Variants in PCDHA2 observed in about 807,000 individuals in gnomAD.
PCDHA2 encodes protocadherin alpha-2.
A neutral mutation model predicts 66.0 loss-of-function variants in PCDHA2; 58 were observed. The observed-to-expected ratio is 0.88, with a 90% CI of 0.71 to 1.09. The LOEUF is 1.09. Among genes scored for constraint, PCDHA2 ranks in the 50% least tolerant of loss-of-function variants. The pLI, the probability that PCDHA2 is intolerant of heterozygous loss-of-function variation, is 0.00. For synonymous variants in PCDHA2, 634 were observed against 554.0 expected, an observed-to-expected ratio of 1.14 and a Z score of -2.03; for missense variants, 1,267 against 1,242.3, an observed-to-expected ratio of 1.02 and a Z score of -0.30.
chr5:140,842,949 C>G lies in PCDHA2; in HGVS notation c.2388+45597C>G, dbSNP rs6889154. On this transcript the variant is annotated intron_variant, in intron 1 of 3. Coordinates refer to ENST00000526136, the MANE Select transcript of PCDHA2 (RefSeq NM_018905.3). ...GTGAGCGCGCGCGACGCGGGCGTGC[C>G]GCCTCTGGGCAGCAACGTGACGCTG... 8 of 1,594,550 alleles carry G rather than the reference C, an allele frequency of 5.0e-6. 1 individual carries two copies. The highest frequency in any genetic ancestry group is 1.3e-5 in the African/African-American group (1 of 74,346).
At position 141,012,023 on chromosome 5, in the gene PCDHA2, C is replaced by T. The variant is rs1174206729; in HGVS notation, c.*2086C>T. On this transcript the variant is annotated 3_prime_UTR_variant, in exon 4 of 4. Coordinates refer to ENST00000526136, the MANE Select transcript of PCDHA2 (RefSeq NM_018905.3). ...TATTTTGAAGGGTGTGTAACTTCAGCTCTGCAGGATTGCATGGGGTAAAAC... is the reference window on the plus strand; with the variant it reads ...TATTTTGAAGGGTGTGTAACTTCAGTTCTGCAGGATTGCATGGGGTAAAAC... The T allele has an allele frequency of 6.5e-6, 1 of 153,700 alleles. No individual in the cohort carries two copies. The highest frequency in any genetic ancestry group is 1.5e-5 in the Non-Finnish European group (1 of 68,026). The allele number at this position is 153,700 out of a possible 1,614,324, so 9.5% of individuals were successfully genotyped here.
At chr5:140,884,954 T>C (rs2060416589) in intron 1 of PCDHA2, among the ~76,000 whole-genome samples, 1 of 152,208 alleles carries the variant, frequency 6.6e-6, no homozygotes, top group Non-Finnish European at 1.5e-5. Context: ...TTACAAAAAA[T>C]TCCTCACGTT....
intron 1 of PCDHA2, chr5:140,827,999 G>T: frequency 6.7e-7 from 1 of 1,484,114 alleles, no homozygotes; most frequent in Non-Finnish European, 9.0e-7. Context: ...GATGGCGGAC[G>T]CAGAAGAAAT....
chr5:140,801,121 AT>A, intron 1 of PCDHA2: 1 of 1,516,972 alleles, frequency 6.6e-7, no homozygotes, highest in Non-Finnish European at 8.8e-7. Flanking sequence ...AGTTTAAGAA[AT>A]GAAGATAAGG....
intron 1 of PCDHA2, chr5:140,801,795 T>A: frequency 1.2e-6 from 2 of 1,613,922 alleles, no homozygotes; most frequent in Non-Finnish European, 1.7e-6. Context: ...GAAAAAAAAT[T>A]TAAATCGAGA....
At chr5:140,948,752 C>T (rs246047) in intron 1 of PCDHA2, among the ~76,000 whole-genome samples, 85,413 of 151,184 alleles carry the variant, frequency 0.56, 24,715 homozygotes, top group African/African-American at 0.69. Context: ...ATCAATTTTG[C>T]TGATTTTTTT....
At position 141,010,023 on chromosome 5, in the gene PCDHA2, C is replaced by T. The variant is rs1196328903; in HGVS notation, c.*86C>T. Reference sequence around the variant, plus strand: ...TGTAGCAATTCCCTGCTCCTTTTTCCTATCTACATGAGCCCTCTTAGAGAC... The same window carrying T: ...TGTAGCAATTCCCTGCTCCTTTTTCTTATCTACATGAGCCCTCTTAGAGAC... On this transcript the variant is annotated 3_prime_UTR_variant, in exon 4 of 4. Transcript: ENST00000526136. 10 of 1,571,304 alleles carry T rather than the reference C, an allele frequency of 6.4e-6. No homozygotes were observed. Among genetic ancestry groups the T allele is most frequent in the Non-Finnish European group, 8.6e-6 (10 of 1,163,016 alleles).
intron 1 of PCDHA2, among the ~76,000 whole-genome samples, chr5:140,965,185 C>T (rs1348990210): frequency 6.6e-6 from 1 of 152,138 alleles, no homozygotes; most frequent in Non-Finnish European, 1.5e-5. Flanking sequence ...TTTTTTTGCA[C>T]ATGAGGCAAT....
At chr5:140,871,703 A>G (rs1202166124) in intron 1 of PCDHA2, 9 of 879,148 alleles carry the variant, frequency 1.0e-5, no homozygotes, top group African/African-American at 1.7e-5. Context: ...TTTAACCAAT[A>G]AATGTCCTAT....
chr5:140,928,223 A>G (rs2085050678), intron 1 of PCDHA2: 1 of 1,614,178 alleles, frequency 6.2e-7, no homozygotes. Flanking sequence ...AATACACCAA[A>G]CTTTCCTCAA....
intron 1 of PCDHA2, among the ~76,000 whole-genome samples, chr5:140,872,175 T>A (rs1402825591): frequency 6.6e-5 from 10 of 152,228 alleles, no homozygotes; most frequent in African/African-American, 2.4e-4. Context: ...CTTTTTTTTT[T>A]TTACAGTGTT....
At chr5:140,995,548 C>T (rs1554254718) in intron 3 of PCDHA2, among the ~76,000 whole-genome samples, 2 of 152,200 alleles carry the variant, frequency 1.3e-5, no homozygotes, top group Non-Finnish European at 2.9e-5. Context: ...GGGGCGATCA[C>T]TGTACTGAAT....
intron 1 of PCDHA2, chr5:140,810,078 A>G (rs998487712): frequency 6.5e-6 from 1 of 153,876 alleles, no homozygotes; most frequent in Non-Finnish European, 1.4e-5. Flanking sequence ...AACGTTATCT[A>G]ATTGGACTTG....
At chr5:140,911,759 T>A (rs2075630155) in intron 1 of PCDHA2, among the ~76,000 whole-genome samples, 3 of 152,026 alleles carry the variant, frequency 2.0e-5, no homozygotes, top group South Asian at 2.1e-4. Context: ...TTCTCCATAC[T>A]ATTAGAAGTA....
At chr5:140,808,657 G>GTCC in intron 1 of PCDHA2, 1 of 1,613,180 alleles carries the variant, frequency 6.2e-7, no homozygotes, top group Non-Finnish European at 8.5e-7. Context: ...ACGCGCTGGT[G>GTCC]TCCTACTCGC....
intron 1 of PCDHA2, chr5:140,927,285 G>T: frequency 1.9e-6 from 3 of 1,614,154 alleles, no homozygotes; most frequent in Non-Finnish European, 2.5e-6. Context: ...ACGTGCAGCT[G>T]CACATCCCCG....
rs2150270222 is a variant in PCDHA2 at position 140,836,801 on chromosome 5, A to C, written c.2388+39449A>C. On this transcript the variant is annotated intron_variant, in intron 1 of 3. Coordinates refer to ENST00000526136, the MANE Select transcript of PCDHA2 (RefSeq NM_018905.3). ...ACAATTAGTTCAATTGGTCTCCTTA[A>C]ATTTTCTTTCATAATTTCTTTTTTA... 27 of 1,338,446 alleles carry C rather than the reference A, an allele frequency of 2.0e-5. No homozygotes were observed. In the Admixed American group the frequency reaches 4.4e-4, roughly 22 times the overall value. 82.9% of individuals were successfully genotyped at this position (1,338,446 alleles called of 1,614,324 possible). A position where few individuals can be genotyped will look rare whatever the true frequency, so the allele number is the denominator to read the frequency against.
At chr5:140,848,385 C>G (rs2150409736) in intron 1 of PCDHA2, 28 of 1,211,136 alleles carry the variant, frequency 2.3e-5, no homozygotes, top group Non-Finnish European at 2.9e-5. Flanking sequence ...CTTTTTCACT[C>G]TCTCTGTGCT....
At chr5:140,848,644 A>G in intron 1 of PCDHA2, 2 of 1,593,184 alleles carry the variant, frequency 1.3e-6, no homozygotes, top group South Asian at 2.2e-5. Context: ...CGCATCGCGC[A>G]GGACCTGGGG....
Sources: gnomAD v4.1 joint callset for allele counts (sites outside exome capture counted in the v4.1 genomes callset) on GRCh38, gnomAD v4.1.1 for gene constraint, MANE v1.5 for transcripts, NCBI Gene and HGNC (gene_info 2026-07-23, HGNC 2026-07-21) for gene names.